Variants in PDE4D observed in about 807,000 individuals in gnomAD.
The protein encoded by PDE4D is 3',5'-cyclic-AMP phosphodiesterase 4D.
In PDE4D, 24 loss-of-function variants were observed where a neutral mutation model predicts 87.4. That is an observed-to-expected ratio of 0.27 (90% CI 0.20 to 0.39). PDE4D has a LOEUF of 0.39. PDE4D is among the 10% of genes least tolerant of loss of function. PDE4D has a pLI of 1.00. For synonymous variants in PDE4D, 384 were observed against 383.2 expected (o/e 1.00, Z -0.02); for missense variants, 714 against 1,041.0 (o/e 0.69, Z 4.32).
In PDE4D at chr5:60,012,038, T is replaced by C. The variant is rs542378592; in HGVS notation, c.43-23321A>G. On this transcript the variant is annotated intron_variant, in intron 2 of 16. Transcript: ENST00000502484. ...CAGTGGTGCATGAAAGTAGGACTCA[T>C]ATAAATTGGACTATAGGTAGAAATG... is the stretch of plus-strand genomic sequence containing the variant. 2.0e-5 allele frequency among the ~76,000 whole-genome samples: 3 copies of C among 152,198 alleles called. No individual in the cohort carries two copies. In the South Asian group the frequency reaches 6.3e-4, roughly 32 times the overall value.
At chr5:59,604,479 G>A (rs998350252) in intron 1 of PDE4D, among the ~76,000 whole-genome samples, 3 of 151,956 alleles carry the variant, frequency 2.0e-5, no homozygotes, top group Non-Finnish European at 4.4e-5. Flanking sequence ...CTTCTAAGAA[G>A]CAATTATTAA....
intron 1 of PDE4D, among the ~76,000 whole-genome samples, chr5:60,474,150 A>ATATG (rs1274940940): frequency 6.2e-5 from 6 of 96,406 alleles, no homozygotes; most frequent in Non-Finnish European, 7.4e-5. Context: ...ATATATATAT[A>ATATG]ACAAAAACCT....
chr5:60,445,821 A>T (rs755033441), intron 1 of PDE4D, among the ~76,000 whole-genome samples: 20 of 152,188 alleles, frequency 1.3e-4, no homozygotes, highest in Non-Finnish European at 1.5e-4. Context: ...ATTAAAAAAG[A>T]CTCAATCACA....
At chr5:59,509,705 A>G (rs1385991515) in intron 1 of PDE4D, among the ~76,000 whole-genome samples, 2 of 150,792 alleles carry the variant, frequency 1.3e-5, no homozygotes, top group African/African-American at 4.8e-5. Flanking sequence ...GGAAAAATAC[A>G]ATGAGAAAAG....
chr5:59,476,883 C>T (rs542890668), intron 1 of PDE4D, among the ~76,000 whole-genome samples: 9 of 151,976 alleles, frequency 5.9e-5, no homozygotes, highest in Non-Finnish European at 1.2e-4. Flanking sequence ...TTGCAAACTA[C>T]ACTTATTAAT....
intron 4 of PDE4D, among the ~76,000 whole-genome samples, chr5:59,184,458 T>C (rs1321555281): frequency 6.6e-6 from 1 of 152,178 alleles, no homozygotes; most frequent in African/African-American, 2.4e-5. Flanking sequence ...AATACACTTA[T>C]ATTTACTATC....
At chr5:59,411,890 G>A (rs1328010335) in intron 1 of PDE4D, among the ~76,000 whole-genome samples, 1 of 152,110 alleles carries the variant, frequency 6.6e-6, no homozygotes, top group Non-Finnish European at 1.5e-5. Flanking sequence ...ATGACGCTGG[G>A]ACCATCTATC....
At chr5:59,367,662 A>G (rs1411219791) in intron 1 of PDE4D, among the ~76,000 whole-genome samples, 2 of 152,254 alleles carry the variant, frequency 1.3e-5, no homozygotes, top group African/African-American at 4.8e-5. Context: ...AGGCATACAC[A>G]TCATTTAACA....
chr5:59,633,702 C>A (rs554137319), intron 1 of PDE4D, among the ~76,000 whole-genome samples: 4 of 152,042 alleles, frequency 2.6e-5, no homozygotes, highest in Non-Finnish European at 5.9e-5. Flanking sequence ...GGATTTCGTC[C>A]CCACCAGGCC....
intron 2 of PDE4D, among the ~76,000 whole-genome samples, chr5:60,061,699 T>A (rs946316659): frequency 6.6e-6 from 1 of 152,134 alleles, no homozygotes; most frequent in Non-Finnish European, 1.5e-5. Flanking sequence ...AAGGCTACAG[T>A]AACCAAAACA....
At chr5:60,067,539 T>C (rs1772237660) in intron 2 of PDE4D, among the ~76,000 whole-genome samples, 1 of 152,172 alleles carries the variant, frequency 6.6e-6, no homozygotes, top group South Asian at 2.1e-4. Context: ...CCACTGTCTT[T>C]TTATTTTAAA....
At chr5:59,662,649 C>T (rs953892290) in intron 1 of PDE4D, among the ~76,000 whole-genome samples, 7 of 152,202 alleles carry the variant, frequency 4.6e-5, no homozygotes, top group African/African-American at 1.7e-4. Context: ...ACCTTATCCT[C>T]TCCTTTTAAT....
chr5:59,509,466 T>G (rs1447627416), intron 1 of PDE4D, among the ~76,000 whole-genome samples: 1 of 151,026 alleles, frequency 6.6e-6, no homozygotes, highest in Non-Finnish European at 1.5e-5. Context: ...GAAAATGTGT[T>G]AGAAAATGTT....
intron 3 of PDE4D, among the ~76,000 whole-genome samples, chr5:59,923,760 G>A (rs1287264464): frequency 6.6e-6 from 1 of 152,124 alleles, no homozygotes; most frequent in African/African-American, 2.4e-5. Context: ...CCCAAGAAAG[G>A]CAGGTACAAA....
chr5:60,253,332 G>A (rs186427198), intron 1 of PDE4D, among the ~76,000 whole-genome samples: 1 of 151,960 alleles, frequency 6.6e-6, no homozygotes, highest in East Asian at 1.9e-4. Flanking sequence ...TCATCCCCCA[G>A]GCATGCTAGA....
chr5:60,204,967 T>C (rs915965226), intron 1 of PDE4D, among the ~76,000 whole-genome samples: 1 of 152,212 alleles, frequency 6.6e-6, no homozygotes, highest in Non-Finnish European at 1.5e-5. Context: ...ATAGTAAGCA[T>C]CAATAAGTGT....
chr5:59,665,470 C>T (rs553793281), intron 1 of PDE4D, among the ~76,000 whole-genome samples: 18 of 152,202 alleles, frequency 1.2e-4, no homozygotes, highest in African/African-American at 3.6e-4. Flanking sequence ...TGATCTAATC[C>T]ACCTGAGGAA....
At chr5:59,089,348 T>C (rs1768286579) in intron 5 of PDE4D, among the ~76,000 whole-genome samples, 1 of 152,232 alleles carries the variant, frequency 6.6e-6, no homozygotes, top group Admixed American at 6.5e-5. Flanking sequence ...CATTATATGT[T>C]AGTTTTATAA....
At chr5:59,413,048 C>T (rs2153621770) in intron 1 of PDE4D, among the ~76,000 whole-genome samples, 1 of 152,284 alleles carries the variant, frequency 6.6e-6, no homozygotes, top group African/African-American at 2.4e-5. Context: ...CCAGTTATAA[C>T]ACTGTTGCCT....
Sources: gnomAD v4.1 joint callset for allele counts (sites outside exome capture counted in the v4.1 genomes callset) on GRCh38, gnomAD v4.1.1 for gene constraint, MANE v1.5 for transcripts, NCBI Gene and HGNC (gene_info 2026-07-23, HGNC 2026-07-21) for gene names.